GALNTL6: variants seen among roughly 807,000 people sequenced by gnomAD.
GALNTL6 encodes the protein polypeptide N-acetylgalactosaminyltransferase-like 6.
A neutral mutation model predicts 73.7 loss-of-function variants in GALNTL6; 46 were observed. That is an observed-to-expected ratio of 0.62 (90% CI 0.49 to 0.80). GALNTL6 has a LOEUF of 0.80. Among genes scored for constraint, GALNTL6 ranks in the 30% least tolerant of loss-of-function variants. The pLI, the probability that GALNTL6 is intolerant of heterozygous loss-of-function variation, is 0.00. For synonymous variants in GALNTL6, 259 were observed against 263.7 expected, an observed-to-expected ratio of 0.98 and a Z score of 0.17; for missense variants, 604 against 755.0, an observed-to-expected ratio of 0.80 and a Z score of 2.34.
intron 5 of GALNTL6, among the ~76,000 whole-genome samples, chr4:172,786,683 A>C (rs1739667860): frequency 6.6e-6 from 1 of 152,172 alleles, no homozygotes; most frequent in African/African-American, 2.4e-5. Context: ...ACTTCAAAGC[A>C]GGTAGAGAGA....
intron 2 of GALNTL6, among the ~76,000 whole-genome samples, chr4:172,060,302 A>G (rs1731157354): frequency 6.6e-6 from 1 of 152,196 alleles, no homozygotes; most frequent in Non-Finnish European, 1.5e-5. Context: ...TTACACATAC[A>G]TATACATATC....
intron 2 of GALNTL6, among the ~76,000 whole-genome samples, chr4:172,203,260 G>A (rs1022571259): frequency 6.6e-6 from 1 of 152,118 alleles, no homozygotes; most frequent in African/African-American, 2.4e-5. Context: ...TAATTTATAA[G>A]GTATGAGCAC....
intron 10 of GALNTL6, among the ~76,000 whole-genome samples, chr4:172,967,929 G>C (rs1446562899): frequency 6.6e-6 from 1 of 152,058 alleles, no homozygotes; most frequent in African/African-American, 2.4e-5. Context: ...GAAAATGATG[G>C]AATGATGCCA....
chr4:172,909,058 C>A (rs1747059790), intron 8 of GALNTL6, among the ~76,000 whole-genome samples: 2 of 151,394 alleles, frequency 1.3e-5, no homozygotes, highest in South Asian at 2.1e-4. Context: ...GTTAAATGGA[C>A]CCAGATAAAA....
intron 2 of GALNTL6, among the ~76,000 whole-genome samples, chr4:172,104,248 C>T (rs895863975): frequency 6.6e-6 from 1 of 152,040 alleles, no homozygotes; most frequent in African/African-American, 2.4e-5. Context: ...CGGCCTGGGG[C>T]AGGTTTTTAT....
chr4:172,611,227 G>A (rs857291), intron 5 of GALNTL6, among the ~76,000 whole-genome samples: 1 of 151,972 alleles, frequency 6.6e-6, no homozygotes, highest in African/African-American at 2.4e-5. Context: ...TCATTATGAT[G>A]TTAGCTGGTT....
chr4:172,541,908 A>T (rs1175399645), intron 5 of GALNTL6, among the ~76,000 whole-genome samples: 1 of 151,942 alleles, frequency 6.6e-6, no homozygotes, highest in African/African-American at 2.4e-5. Context: ...GCTGCTGATT[A>T]CCAGTTTCAG....
chr4:172,128,996 C>A (rs1015493951), intron 2 of GALNTL6, among the ~76,000 whole-genome samples: 2 of 152,084 alleles, frequency 1.3e-5, no homozygotes, highest in Non-Finnish European at 2.9e-5. Context: ...AGAATTAATC[C>A]TTTGATTAAT....
intron 10 of GALNTL6, among the ~76,000 whole-genome samples, chr4:172,968,076 A>G (rs138658161): frequency 6.6e-6 from 1 of 152,354 alleles, no homozygotes; most frequent in Non-Finnish European, 1.5e-5. Flanking sequence ...CAAAAGAAAG[A>G]AACAAACAAC....
intron 9 of GALNTL6, among the ~76,000 whole-genome samples, chr4:172,942,560 A>C (rs1389800141): frequency 6.6e-6 from 1 of 152,178 alleles, no homozygotes; most frequent in African/African-American, 2.4e-5. Flanking sequence ...CAGGAAGAAC[A>C]CCATTCAGAT....
At chr4:171,863,359 T>C (rs951426878) in intron 2 of GALNTL6, among the ~76,000 whole-genome samples, 1 of 152,190 alleles carries the variant, frequency 6.6e-6, no homozygotes, top group Non-Finnish European at 1.5e-5. Context: ...TTTCTATTAT[T>C]TCATATGGAG....
chr4:172,060,504 G>A (rs192371915), intron 2 of GALNTL6, among the ~76,000 whole-genome samples: 17 of 151,478 alleles, frequency 1.1e-4, no homozygotes, highest in African/African-American at 2.2e-4. Context: ...ATGATTTATC[G>A]TAGTCAATGA....
At chr4:173,030,462 A>G (rs3905287) in intron 12 of GALNTL6, among the ~76,000 whole-genome samples, 53,469 of 151,938 alleles carry the variant, frequency 0.35, 9,897 homozygotes, top group African/African-American at 0.44. Context: ...GCTCTGTTAC[A>G]ACTCTCCTGG....
At chr4:172,151,860 C>T (rs1313695535) in intron 2 of GALNTL6, among the ~76,000 whole-genome samples, 2 of 151,178 alleles carry the variant, frequency 1.3e-5, no homozygotes, top group East Asian at 1.9e-4. Flanking sequence ...GCCTACATGC[C>T]TTTTCCATAT....
intron 2 of GALNTL6, among the ~76,000 whole-genome samples, chr4:172,130,632 T>C (rs1733462767): frequency 6.6e-6 from 1 of 152,118 alleles, no homozygotes; most frequent in African/African-American, 2.4e-5. Flanking sequence ...TTTCAGCCCA[T>C]GAACTGACAA....
chr4:173,024,310 G>A (rs971577337), intron 12 of GALNTL6, among the ~76,000 whole-genome samples: 1 of 152,170 alleles, frequency 6.6e-6, no homozygotes, highest in Non-Finnish European at 1.5e-5. Context: ...TTAGCAAAAG[G>A]TTACACTCCA....
intron 2 of GALNTL6, among the ~76,000 whole-genome samples, chr4:172,214,651 A>G (rs1210333879): frequency 2.0e-5 from 3 of 151,226 alleles, no homozygotes; most frequent in Non-Finnish European, 4.4e-5. Flanking sequence ...AGTAGCTGGG[A>G]TTACAGGTAC....
intron 8 of GALNTL6, among the ~76,000 whole-genome samples, chr4:172,930,426 C>T (rs1306154561): frequency 3.3e-5 from 5 of 152,014 alleles, no homozygotes; most frequent in Non-Finnish European, 5.9e-5. Flanking sequence ...GTATGATATG[C>T]TTGTGTTCTT....
intron 7 of GALNTL6, among the ~76,000 whole-genome samples, chr4:172,845,720 C>G (rs1216916652): frequency 6.6e-6 from 1 of 152,134 alleles, no homozygotes; most frequent in Non-Finnish European, 1.5e-5. Context: ...AACCTTTATA[C>G]TATTTTTAAA....
Sources: gnomAD v4.1 joint callset for allele counts (sites outside exome capture counted in the v4.1 genomes callset) on GRCh38, gnomAD v4.1.1 for gene constraint, MANE v1.5 for transcripts, NCBI Gene and HGNC (gene_info 2026-07-23, HGNC 2026-07-21) for gene names.